ASH1L: variants seen among roughly 807,000 people sequenced by gnomAD.
ASH1L encodes ASH1 like histone lysine methyltransferase, also known as histone-lysine N-methyltransferase ASH1L.
Under a neutral mutation model 269.0 loss-of-function variants are expected in ASH1L, and 23 were observed. The observed-to-expected ratio is 0.09, with a 90% CI of 0.06 to 0.12. The LOEUF (loss-of-function observed/expected upper bound fraction) is 0.12. Ranked by LOEUF, ASH1L falls within the 10% of genes least tolerant of loss-of-function variation. The pLI is 1.00. For missense variants in ASH1L, 2,912 were observed against 3,567.8 expected (o/e 0.82, Z 4.68); for synonymous variants, 1,187 against 1,253.5 (o/e 0.95, Z 1.12).
chr1:155,421,899 T>G (rs1660715625), intron 5 of ASH1L, among the ~76,000 whole-genome samples: 1 of 152,100 alleles, frequency 6.6e-6, no homozygotes, highest in Non-Finnish European at 1.5e-5. Flanking sequence ...TCTGGACAGT[T>G]CAGTGACATC....
At chr1:155,535,449 T>A (rs1293695603) in intron 1 of ASH1L, among the ~76,000 whole-genome samples, 1 of 151,976 alleles carries the variant, frequency 6.6e-6, no homozygotes, top group East Asian at 1.9e-4. Context: ...TAGAGACTTT[T>A]TATTTCTAAA....
Position 155,409,862 on chromosome 1 carries a change from T to C in ASH1L, c.6008+5882A>G, listed in dbSNP as rs867264061. ...TTCTAAAAGACAACAAAAGCCTGAG[T>C]TCTTAAAAAATGGTCGATCTTGGCC... On this transcript the variant is annotated intron_variant, in intron 6 of 27. Coordinates refer to ENST00000392403, the MANE Select transcript of ASH1L (RefSeq NM_018489.3). Among the ~76,000 whole-genome samples, 8 of 151,882 alleles carry C rather than the reference T, an allele frequency of 5.3e-5. 1 individual carries two copies. Among genetic ancestry groups the C allele is most frequent in the Middle Eastern group, 6.8e-3 (2 of 294 alleles).
Position 155,481,551 on chromosome 1 carries a change from C to T in ASH1L, c.1319G>A (p.Cys440Tyr), listed in dbSNP as rs1480102128. The T allele has an allele frequency of 1.2e-6, 2 of 1,613,998 alleles. No homozygotes were observed. The highest frequency in any genetic ancestry group is 1.7e-6 in the Non-Finnish European group (2 of 1,179,996). The part of the protein sequence containing the change: ...LPTQEPLKAS[C>Y]STNINNQESQ... ...TTCCTGATTATTGATGTTTGTACTA[C>T]AAGAAGCCTTAAGCGGTTCCTGAGT... is the stretch of plus-strand genomic sequence containing the variant. The change falls in exon 3 of 28, where the codon TGT (cysteine) becomes TAT (tyrosine). Residue 440 changes from cysteine to tyrosine, a missense_variant. Cys to Tyr is a radical substitution (Grantham distance 194, BLOSUM62 -2). Coordinates refer to ENST00000392403, the MANE Select transcript of ASH1L (RefSeq NM_018489.3).
intron 3 of ASH1L, among the ~76,000 whole-genome samples, chr1:155,472,237 C>A (rs927948875): frequency 2.0e-5 from 3 of 152,140 alleles, no homozygotes; most frequent in Admixed American, 6.5e-5. Flanking sequence ...TTGCAGTGAG[C>A]CTAGATTACG....
At chr1:155,472,982 A>G (rs1480499509) in intron 3 of ASH1L, among the ~76,000 whole-genome samples, 1 of 152,210 alleles carries the variant, frequency 6.6e-6, no homozygotes, top group Non-Finnish European at 1.5e-5. Context: ...GATTATACAT[A>G]TAAAAATTCA....
At chr1:155,527,683 G>A (rs920610014) in intron 1 of ASH1L, among the ~76,000 whole-genome samples, 1 of 151,856 alleles carries the variant, frequency 6.6e-6, no homozygotes, top group Non-Finnish European at 1.5e-5. Context: ...CAAGTAGCTA[G>A]AAATACAGGC....
At chr1:155,374,415 A>C (rs1236228587) in intron 10 of ASH1L, among the ~76,000 whole-genome samples, 2 of 152,226 alleles carry the variant, frequency 1.3e-5, no homozygotes, top group African/African-American at 2.4e-5. Context: ...GACTTACTCT[A>C]AACAAAAATA....
chr1:155,551,405 A>T (rs994240512), intron 1 of ASH1L, among the ~76,000 whole-genome samples: 9 of 152,144 alleles, frequency 5.9e-5, no homozygotes, highest in Non-Finnish European at 1.0e-4. Flanking sequence ...TCACGCCTGT[A>T]ATCCCAGCAC....
At chr1:155,369,590 T>C (rs753855408) in intron 12 of ASH1L, among the ~76,000 whole-genome samples, 2 of 152,202 alleles carry the variant, frequency 1.3e-5, no homozygotes, top group Non-Finnish European at 2.9e-5. Context: ...TTTTTCCTTC[T>C]CAATTAGATG....
chr1:155,379,507 A>C (rs956317966), intron 8 of ASH1L, among the ~76,000 whole-genome samples: 1 of 152,328 alleles, frequency 6.6e-6, no homozygotes, highest in Admixed American at 6.5e-5. Context: ...TCACTACGGG[A>C]AACTTTTCAA....
chr1:155,346,588 T>C (rs1053237756), intron 20 of ASH1L, 119 bp from the exon 21 acceptor site: 1 of 754,908 alleles, frequency 1.3e-6, no homozygotes, highest in Non-Finnish European at 2.3e-6. Flanking sequence ...AACTAAGGGA[T>C]AACTGGGTGA....
intron 6 of ASH1L, among the ~76,000 whole-genome samples, chr1:155,404,086 G>T (rs1659072730): frequency 6.6e-6 from 1 of 151,552 alleles, no homozygotes; most frequent in Non-Finnish European, 1.5e-5. Flanking sequence ...AAGCAACCTG[G>T]GCACGGTGGC....
intron 2 of ASH1L, among the ~76,000 whole-genome samples, chr1:155,518,188 T>C (rs539962591): frequency 1.3e-5 from 2 of 152,280 alleles, no homozygotes; most frequent in East Asian, 3.9e-4. Context: ...CTGAATATCA[T>C]GTAAAGGAAT....
intron 15 of ASH1L, among the ~76,000 whole-genome samples, chr1:155,355,064 C>CA (rs1344132093): frequency 2.0e-5 from 3 of 151,438 alleles, no homozygotes; most frequent in African/African-American, 7.3e-5. Flanking sequence ...AAACTTACTA[C>CA]TTTTTTTTTG....
At chr1:155,355,822 A>G (rs901000575) in intron 15 of ASH1L, among the ~76,000 whole-genome samples, 4 of 152,200 alleles carry the variant, frequency 2.6e-5, no homozygotes, top group Admixed American at 2.6e-4. Flanking sequence ...CTTCTGAAAG[A>G]GACAATTCTT....
intron 2 of ASH1L, among the ~76,000 whole-genome samples, chr1:155,513,682 A>C (rs1571030226): frequency 6.6e-6 from 1 of 152,242 alleles, no homozygotes; most frequent in East Asian, 1.9e-4. Flanking sequence ...CCACATATAT[A>C]CATACCCAAA....
chr1:155,367,785 A>C (rs769551239), intron 12 of ASH1L, among the ~76,000 whole-genome samples: 1 of 152,200 alleles, frequency 6.6e-6, no homozygotes, highest in Non-Finnish European at 1.5e-5. Context: ...TAAACCAAAC[A>C]ATCTTTTATT....
At chr1:155,470,184 C>A (rs181331654) in intron 3 of ASH1L, among the ~76,000 whole-genome samples, 1 of 152,110 alleles carries the variant, frequency 6.6e-6, no homozygotes, top group African/African-American at 2.4e-5. Flanking sequence ...TCAGGCTGTG[C>A]GCGGTGGCTC....
At chr1:155,382,640 CAGT>C (rs1657082389) in intron 7 of ASH1L, among the ~76,000 whole-genome samples, 1 of 152,122 alleles carries the variant, frequency 6.6e-6, no homozygotes. Context: ...GAAGACCTTT[CAGT>C]AGAACAAGAC....
Sources: gnomAD v4.1 joint callset for allele counts (sites outside exome capture counted in the v4.1 genomes callset) on GRCh38, gnomAD v4.1.1 for gene constraint, MANE v1.5 for transcripts, NCBI Gene and HGNC (gene_info 2026-07-23, HGNC 2026-07-21) for gene names.